Variants in ITGB6 observed in about 807,000 individuals in gnomAD.
The protein encoded by ITGB6 is integrin subunit beta 6, also known as integrin beta-6.
Under a neutral mutation model 84.5 loss-of-function variants are expected in ITGB6, and 80 were observed. The ratio of observed to expected loss-of-function variants is 0.95; its 90% CI spans 0.79 to 1.14. The LOEUF (loss-of-function observed/expected upper bound fraction) is 1.14, where lower values mean the gene tolerates loss of function less well. ITGB6 is among the 50% of genes most tolerant of loss of function. The probability of loss-of-function intolerance (pLI) is 0.00; values close to 1 mark genes in which losing one functional copy is unlikely to be tolerated. For synonymous variants in ITGB6, 383 were observed against 354.9 expected (o/e 1.08, Z -0.89); for missense variants, 1,006 against 968.0 (o/e 1.04, Z -0.52).
intron 12 of ITGB6, among the ~76,000 whole-genome samples, chr2:160,118,250 A>G (rs1413344798): frequency 5.3e-5 from 8 of 152,256 alleles, no homozygotes; most frequent in Non-Finnish European, 1.2e-4. Context: ...ACGAACATTG[A>G]TGGAAAAATC....
At chr2:160,174,738 A>G (rs1428586586) in intron 4 of ITGB6, among the ~76,000 whole-genome samples, 1 of 152,228 alleles carries the variant, frequency 6.6e-6, no homozygotes, top group Non-Finnish European at 1.5e-5. Context: ...AAGATATTAC[A>G]GTAGAACACA....
In ITGB6 at chr2:160,197,312, C is replaced by CT. The variant is rs368131537; in HGVS notation, c.142-893dup. Among the ~76,000 whole-genome samples, 162 of 152,168 alleles carry CT rather than the reference C, an allele frequency of 1.1e-3. 1 individual carries two copies. The Middle Eastern group carries it at 0.014, about 13-fold the overall frequency. ...CTCCGTCTCAAAAAAAAAAAGTCTG[C>CT]TTTTCTGCGTGGGACACAGGAGTTT... On this transcript the variant is annotated intron_variant, in intron 2 of 14. Coordinates refer to ENST00000283249, the MANE Select transcript of ITGB6 (RefSeq NM_000888.5).
chr2:160,144,236 C>G (rs1684104171), intron 7 of ITGB6, among the ~76,000 whole-genome samples: 1 of 152,134 alleles, frequency 6.6e-6, no homozygotes, highest in Non-Finnish European at 1.5e-5. Context: ...AGATGCTGCT[C>G]TGCCTTGACA....
intron 10 of ITGB6, among the ~76,000 whole-genome samples, chr2:160,132,043 G>A (rs1683489929): frequency 6.6e-6 from 1 of 152,098 alleles, no homozygotes. Flanking sequence ...ATTACACTTA[G>A]GGCTTTTTGA....
chr2:160,163,106 C>G (rs528052714), intron 7 of ITGB6, among the ~76,000 whole-genome samples: 7 of 152,104 alleles, frequency 4.6e-5, no homozygotes, highest in Non-Finnish European at 7.4e-5. Flanking sequence ...GCTGTGTGGC[C>G]TGTTCTTACC....
intron 7 of ITGB6, among the ~76,000 whole-genome samples, chr2:160,159,062 A>G (rs1431201058): frequency 4.6e-5 from 7 of 151,106 alleles, no homozygotes; most frequent in Non-Finnish European, 8.9e-5. Flanking sequence ...TCGCACCACT[A>G]CACTCCAGCC....
At chr2:160,116,194 C>T (rs986754911) in intron 12 of ITGB6, among the ~76,000 whole-genome samples, 1 of 151,624 alleles carries the variant, frequency 6.6e-6, no homozygotes, top group South Asian at 2.1e-4. Context: ...AAGAGCAACT[C>T]CAAGACACAC....
chr2:160,182,581 C>G (rs1351814627), intron 4 of ITGB6, among the ~76,000 whole-genome samples: 1 of 152,126 alleles, frequency 6.6e-6, no homozygotes, highest in Non-Finnish European at 1.5e-5. Flanking sequence ...AGGATATTAT[C>G]CAGGAGAACT....
In ITGB6 at chr2:160,137,575, C is replaced by G. The variant is rs1329111126; in HGVS notation, c.1519G>C (p.Asp507His). ...CCCCTTCCGCTGCAGGAGGGATGAT[C>G]TGGGGCCTCCTTGCAGGAATCTGTG... ...LSTDSCKEAP[D>H]HPSCSGRGDC... The change falls in exon 10 of 15, where the codon GAT becomes CAT. Residue 507 changes from aspartate to histidine, a missense_variant. Physicochemically the swap from Asp to His is moderately conservative, Grantham distance 81 (BLOSUM62 -1). Transcript: ENST00000283249. The G allele has an allele frequency of 1.2e-6, 2 of 1,614,206 alleles. No individual in the cohort carries two copies. Among genetic ancestry groups the G allele is most frequent in the South Asian group, 2.2e-5 (2 of 91,082 alleles).
At position 160,139,792 on chromosome 2, in the gene ITGB6, T is replaced by C. The variant is rs1429508496; in HGVS notation, c.1108-1593A>G. Among the ~76,000 whole-genome samples, 3 of 152,170 alleles carry C rather than the reference T, an allele frequency of 2.0e-5. No homozygotes were observed. The South Asian group carries it at 6.2e-4, about 32-fold the overall frequency. ...GAAAAACAAAAGAAACCAAGTCAAT[T>C]CCCTCCTGGAATTTAAACACAAACA... On this transcript the variant is annotated intron_variant, in intron 8 of 14. Coordinates refer to ENST00000283249, the MANE Select transcript of ITGB6 (RefSeq NM_000888.5).
chr2:160,126,521 C>CCTG lies in ITGB6; in HGVS notation c.1740_1741insCAG (p.Thr580_Asp581insGln). 6.2e-7 allele frequency: 1 copy of CCTG among 1,614,126 alleles called. No individual in the cohort carries two copies. Among genetic ancestry groups the CCTG allele is most frequent in the South Asian group, 1.1e-5 (1 of 91,082 alleles). On this transcript the variant is annotated inframe_insertion, in exon 11 of 15. Coordinates refer to ENST00000283249, the MANE Select transcript of ITGB6 (RefSeq NM_000888.5). ...ACTCCATCTTCAGAGACGCAGGAGTCCGTGCTGGTGGTGCAGTTGCAGTAC... is the reference window on the plus strand; with the variant it reads ...ACTCCATCTTCAGAGACGCAGGAGTCCTGCGTGCTGGTGGTGCAGTTGCAGTAC...
chr2:160,191,979 A>G (rs866951716), intron 4 of ITGB6, among the ~76,000 whole-genome samples: 6 of 152,210 alleles, frequency 3.9e-5, no homozygotes, highest in Middle Eastern at 6.3e-3. Flanking sequence ...AAATTAAACA[A>G]GATATGAATA....
intron 2 of ITGB6, among the ~76,000 whole-genome samples, chr2:160,198,368 G>A (rs901637647): frequency 2.0e-5 from 3 of 152,166 alleles, no homozygotes; most frequent in Non-Finnish European, 2.9e-5. Flanking sequence ...GTTTGGTGTC[G>A]AGGTTTGTTG....
At chr2:160,196,936 ATTCCTAAAGGG>A (rs1467838464) in intron 2 of ITGB6, among the ~76,000 whole-genome samples, 2 of 152,054 alleles carry the variant, frequency 1.3e-5, no homozygotes, top group Admixed American at 6.6e-5. Flanking sequence ...GATTCTGCAG[ATTCCTAAAGGG>A]TAGGGATTGC....
intron 7 of ITGB6, among the ~76,000 whole-genome samples, chr2:160,167,748 G>A (rs944132013): frequency 1.3e-5 from 2 of 152,122 alleles, no homozygotes; most frequent in East Asian, 1.9e-4. Context: ...TTGGGGAGAC[G>A]TATAAATGAG....
chr2:160,190,925 T>C (rs1686116963), intron 4 of ITGB6, among the ~76,000 whole-genome samples: 1 of 152,224 alleles, frequency 6.6e-6, no homozygotes, highest in African/African-American at 2.4e-5. Context: ...ATTTTAAATA[T>C]ACCCTCTGGG....
chr2:160,114,518 G>C (rs1682673251), intron 12 of ITGB6, among the ~76,000 whole-genome samples: 1 of 152,140 alleles, frequency 6.6e-6, no homozygotes, highest in South Asian at 2.1e-4. Flanking sequence ...ACAAAGCAGG[G>C]GGGTGGAGCC....
At chr2:160,116,287 A>G (rs1418676109) in intron 12 of ITGB6, among the ~76,000 whole-genome samples, 1 of 151,872 alleles carries the variant, frequency 6.6e-6, no homozygotes, top group Non-Finnish European at 1.5e-5. Context: ...CCACAAAGGG[A>G]AGCCCATCAG....
intron 7 of ITGB6, among the ~76,000 whole-genome samples, chr2:160,145,318 C>T (rs1237488122): frequency 3.3e-5 from 5 of 152,084 alleles, no homozygotes; most frequent in East Asian, 3.9e-4. Context: ...GCAGATTAAC[C>T]GAATTATGGA....
Sources: allele counts gnomAD v4.1 joint callset (sites outside exome capture counted in the v4.1 genomes callset), GRCh38; gene constraint gnomAD v4.1.1; transcripts MANE v1.5; gene names NCBI Gene and HGNC (gene_info 2026-07-23, HGNC 2026-07-21).